Variants in THRB observed in about 807,000 individuals in gnomAD.
The protein encoded by THRB is thyroid hormone receptor beta, also known as nuclear receptor subfamily 1 group A member 2.
In THRB, 12 loss-of-function variants were observed where a neutral mutation model predicts 47.8. The observed-to-expected ratio is 0.25, with a 90% CI of 0.16 to 0.41. The LOEUF (loss-of-function observed/expected upper bound fraction) is 0.41, where lower values mean the gene tolerates loss of function less well. THRB is among the 10% of genes least tolerant of loss of function. The probability of loss-of-function intolerance (pLI) is 1.00; values close to 1 mark genes in which losing one functional copy is unlikely to be tolerated. For missense variants in THRB, 348 were observed against 589.2 expected (o/e 0.59, Z 4.24); for synonymous variants, 218 against 212.2 (o/e 1.03, Z -0.24).
chr3:24,202,456 C>A (rs1270052641), intron 4 of THRB, among the ~76,000 whole-genome samples: 2 of 152,080 alleles, frequency 1.3e-5, no homozygotes, highest in African/African-American at 4.8e-5. Flanking sequence ...CATTCTGTTT[C>A]CCATACTGGT....
intron 1 of THRB, among the ~76,000 whole-genome samples, chr3:24,371,615 A>C (rs1327198851): frequency 6.6e-6 from 1 of 152,020 alleles, no homozygotes; most frequent in Non-Finnish European, 1.5e-5. Context: ...AATGTCAAAG[A>C]CTGTCTAGCT....
chr3:24,203,468 T>A (rs72619925), intron 4 of THRB, among the ~76,000 whole-genome samples: 9 of 152,212 alleles, frequency 5.9e-5, no homozygotes, highest in African/African-American at 1.2e-4. Context: ...ATTTCACCCA[T>A]GGAGCAATAG....
intron 3 of THRB, among the ~76,000 whole-genome samples, chr3:24,229,863 C>T (rs1478607578): frequency 6.6e-6 from 1 of 152,168 alleles, no homozygotes; most frequent in Non-Finnish European, 1.5e-5. Context: ...AAGCCTGAGG[C>T]ATGGGCTTGA....
chr3:24,215,652 T>C (rs826251), intron 4 of THRB, among the ~76,000 whole-genome samples: 110,015 of 152,126 alleles, frequency 0.72, 41,122 homozygotes, highest in African/African-American at 0.93. Flanking sequence ...ACAGACTCAT[T>C]ATCAAAATCT....
intron 2 of THRB, among the ~76,000 whole-genome samples, chr3:24,325,275 T>C (rs1004766780): frequency 2.6e-5 from 4 of 152,206 alleles, no homozygotes; most frequent in Admixed American, 6.5e-5. Flanking sequence ...CCTGTTAACA[T>C]TGATAACTAA....
At chr3:24,272,041 C>A (rs1030003761) in intron 3 of THRB, among the ~76,000 whole-genome samples, 4 of 152,100 alleles carry the variant, frequency 2.6e-5, no homozygotes, top group African/African-American at 4.8e-5. Flanking sequence ...GGATTGCGGA[C>A]AATTTAAAAT....
intron 1 of THRB, among the ~76,000 whole-genome samples, chr3:24,485,917 A>G (rs143676944): frequency 6.4e-4 from 97 of 152,314 alleles, no homozygotes; most frequent in African/African-American, 2.3e-3. Flanking sequence ...CTCAAGCACT[A>G]TATTATTTCA....
intron 1 of THRB, among the ~76,000 whole-genome samples, chr3:24,432,887 A>G (rs930894457): frequency 2.0e-5 from 3 of 151,924 alleles, no homozygotes; most frequent in South Asian, 2.1e-4. Context: ...GAGCTATGAG[A>G]GAATGTTACC....
intron 2 of THRB, among the ~76,000 whole-genome samples, chr3:24,311,842 C>A (rs1424382011): frequency 1.3e-5 from 2 of 152,204 alleles, no homozygotes; most frequent in Non-Finnish European, 2.9e-5. Context: ...GAGCTGTCTA[C>A]AACACGTATG....
At chr3:24,246,132 GC>G (rs2050094254) in intron 3 of THRB, among the ~76,000 whole-genome samples, 1 of 152,294 alleles carries the variant, frequency 6.6e-6, no homozygotes, top group Admixed American at 6.5e-5. Context: ...ATGAGTTCAT[GC>G]AAGAAAAGGG....
intron 3 of THRB, among the ~76,000 whole-genome samples, chr3:24,267,553 C>G (rs1469752736): frequency 6.6e-6 from 1 of 152,128 alleles, no homozygotes; most frequent in African/African-American, 2.4e-5. Flanking sequence ...AGCAAAGAAC[C>G]CTGCTAAGTC....
chr3:24,424,444 G>A (rs1048955072), intron 1 of THRB, among the ~76,000 whole-genome samples: 2 of 151,926 alleles, frequency 1.3e-5, no homozygotes. Flanking sequence ...TCCTTAGTAA[G>A]CAGCATTGGC....
intron 1 of THRB, among the ~76,000 whole-genome samples, chr3:24,385,728 T>A (rs1489005552): frequency 6.6e-6 from 1 of 152,160 alleles, no homozygotes; most frequent in African/African-American, 2.4e-5. Flanking sequence ...CAACTGGAAC[T>A]ACCTGAGTTC....
intron 1 of THRB, among the ~76,000 whole-genome samples, chr3:24,426,339 T>G (rs1019563965): frequency 6.6e-6 from 1 of 151,972 alleles, no homozygotes; most frequent in Non-Finnish European, 1.5e-5. Context: ...GGTAGTTATA[T>G]AAAATTGGGT....
chr3:24,126,584 G>T (rs2032867083), intron 10 of THRB, among the ~76,000 whole-genome samples: 1 of 151,932 alleles, frequency 6.6e-6, no homozygotes, highest in Admixed American at 6.6e-5. Flanking sequence ...AAGTCCACAG[G>T]GACTTACGTG....
At chr3:24,342,765 A>C (rs2062760055) in intron 1 of THRB, among the ~76,000 whole-genome samples, 4 of 152,138 alleles carry the variant, frequency 2.6e-5, no homozygotes, top group Admixed American at 2.6e-4. Context: ...AAATAAGAGA[A>C]TCAGAAAAGA....
At chr3:24,208,367 C>A (rs867782611) in intron 4 of THRB, among the ~76,000 whole-genome samples, 1 of 152,098 alleles carries the variant, frequency 6.6e-6, no homozygotes, top group Admixed American at 6.6e-5. Context: ...TCATATGGAA[C>A]GAAAAAAGAG....
intron 3 of THRB, among the ~76,000 whole-genome samples, chr3:24,283,526 G>C (rs1203084027): frequency 2.0e-5 from 3 of 151,000 alleles, no homozygotes; most frequent in East Asian, 3.9e-4. Flanking sequence ...ACTGGCACAA[G>C]ACAGGGATGC....
chr3:24,284,521 G>C (rs1397797926), intron 3 of THRB, among the ~76,000 whole-genome samples: 1 of 151,898 alleles, frequency 6.6e-6, no homozygotes, highest in African/African-American at 2.4e-5. Context: ...ATAGGCATGG[G>C]GAAAGACTTC....
Sources: allele counts gnomAD v4.1 joint callset (sites outside exome capture counted in the v4.1 genomes callset), GRCh38; gene constraint gnomAD v4.1.1; transcripts MANE v1.5; gene names NCBI Gene and HGNC (gene_info 2026-07-23, HGNC 2026-07-21).